MED26: variants seen among roughly 807,000 people sequenced by gnomAD.
MED26 encodes mediator of RNA polymerase II transcription subunit 26.
Under a neutral mutation model 43.7 loss-of-function variants are expected in MED26, and 7 were observed. The observed-to-expected ratio is 0.16, with a 90% CI of 0.09 to 0.30. The LOEUF (loss-of-function observed/expected upper bound fraction) is 0.30, where lower values mean the gene tolerates loss of function less well. MED26 is among the 10% of genes least tolerant of loss of function. The pLI is 1.00. For synonymous variants in MED26, 375 were observed against 371.1 expected (o/e 1.01, Z -0.12); for missense variants, 784 against 840.6 (o/e 0.93, Z 0.83).
chr19:16,580,613 T>C lies in MED26; in HGVS notation c.73-2204A>G, dbSNP rs554571031. On this transcript the variant is annotated intron_variant, in intron 1 of 2. Coordinates refer to ENST00000263390, the MANE Select transcript of MED26 (RefSeq NM_004831.5). ...CTTGAACTCCTGACCTCAGGTGATC[T>C]GCCCTCCTCGGCCTCCCAAAGTGCT... 2.6e-5 allele frequency among the ~76,000 whole-genome samples: 4 copies of C among 152,208 alleles called. No individual in the cohort carries two copies. The South Asian group carries it at 8.3e-4, about 32-fold the overall frequency.
chr19:16,591,221 G>A (rs901845766), intron 1 of MED26, among the ~76,000 whole-genome samples: 2 of 152,078 alleles, frequency 1.3e-5, no homozygotes, highest in Admixed American at 1.3e-4. Flanking sequence ...ACCTGGGTTT[G>A]TCCTCCCTGG....
intron 1 of MED26, among the ~76,000 whole-genome samples, chr19:16,619,770 C>T (rs908749752): frequency 1.3e-5 from 2 of 152,310 alleles, no homozygotes; most frequent in African/African-American, 4.8e-5. Context: ...CCTATAAAAC[C>T]ATGCTGTGCA....
At position 16,628,112 on chromosome 19, in the gene MED26, T is replaced by G. The variant is rs2086292250; in HGVS notation, c.-169A>C. 2.6e-6 allele frequency: 1 copy of G among 377,896 alleles called. No individual in the cohort carries two copies. The highest frequency in any genetic ancestry group is 4.6e-5 in the Admixed American group (1 of 21,560). 23.4% of individuals were successfully genotyped at this position (377,896 alleles called of 1,614,324 possible). A position where few individuals can be genotyped will look rare whatever the true frequency, so the allele number is the denominator to read the frequency against. On this transcript the variant is annotated 5_prime_UTR_variant, in exon 1 of 3. Coordinates refer to ENST00000263390, the MANE Select transcript of MED26 (RefSeq NM_004831.5). ...CGGAGAGGGGAGCCGGGGCCGGGTC[T>G]CGGTCCCGGGCCGCCGCCGCCACCA...
chr19:16,627,899 C>G lies in MED26; in HGVS notation c.45G>C (p.Leu15=). Residue 15 remains leucine, a synonymous_variant, in exon 1 of 3, where the codon CTG becomes CTC. Transcript: ENST00000263390. The stretch of plus-strand genomic sequence containing the variant: ...TGCTCTGGGGGTCGATGGCCTGCAG[C>G]AGCCGGTCCCTGATCTGCTGCGGAG... ...PASPQQIRDR[L]LQAIDPQSNI... 6.7e-7 allele frequency: 1 copy of G among 1,499,908 alleles called. No homozygotes were observed. Among genetic ancestry groups the G allele is most frequent in the Non-Finnish European group, 8.9e-7 (1 of 1,122,380 alleles). The allele number at this position is 1,499,908 out of a possible 1,614,324, so 92.9% of individuals were successfully genotyped here. A position where few individuals can be genotyped will look rare whatever the true frequency, so the allele number is the denominator to read the frequency against.
intron 1 of MED26, among the ~76,000 whole-genome samples, chr19:16,621,491 T>C (rs530834317): frequency 1.3e-5 from 2 of 152,272 alleles, no homozygotes; most frequent in African/African-American, 4.8e-5. Flanking sequence ...TTTCCTGCAG[T>C]GGATGAACCC....
intron 1 of MED26, among the ~76,000 whole-genome samples, chr19:16,601,076 G>A (rs761220504): frequency 6.6e-6 from 1 of 152,024 alleles, no homozygotes; most frequent in Non-Finnish European, 1.5e-5. Flanking sequence ...TTTACAAGCA[G>A]CTAAGGCACA....
chr19:16,622,800 A>G (rs2086257671), intron 1 of MED26, among the ~76,000 whole-genome samples: 1 of 152,198 alleles, frequency 6.6e-6, no homozygotes, highest in Non-Finnish European at 1.5e-5. Flanking sequence ...AGGAGATGAT[A>G]GTGGGGAAGT....
At chr19:16,591,816 G>A (rs570183463) in intron 1 of MED26, among the ~76,000 whole-genome samples, 3 of 152,290 alleles carry the variant, frequency 2.0e-5, no homozygotes, top group South Asian at 4.1e-4. Flanking sequence ...TCCTAATTCC[G>A]CATGGTTTTC....
At chr19:16,622,983 C>T (rs1456276368) in intron 1 of MED26, among the ~76,000 whole-genome samples, 1 of 152,194 alleles carries the variant, frequency 6.6e-6, no homozygotes, top group African/African-American at 2.4e-5. Context: ...TCTTACACAG[C>T]TGCCCAGGGG....
chr19:16,604,360 G>A (rs907021786), intron 1 of MED26, among the ~76,000 whole-genome samples: 3 of 152,240 alleles, frequency 2.0e-5, no homozygotes, highest in African/African-American at 7.2e-5. Flanking sequence ...CTGCATCAGG[G>A]ACAGGGGTCA....
chr19:16,592,251 G>T (rs1030124088), intron 1 of MED26, among the ~76,000 whole-genome samples: 1 of 152,166 alleles, frequency 6.6e-6, no homozygotes, highest in Non-Finnish European at 1.5e-5. Flanking sequence ...ACCCTGAGGG[G>T]GTGTGATGTG....
chr19:16,621,776 C>T (rs936006185), intron 1 of MED26, among the ~76,000 whole-genome samples: 2 of 152,148 alleles, frequency 1.3e-5, no homozygotes, highest in Non-Finnish European at 2.9e-5. Flanking sequence ...GACAATAATC[C>T]ACCACTTCCC....
chr19:16,578,717 T>G (rs959251051), intron 1 of MED26: 41 of 359,610 alleles, frequency 1.1e-4, no homozygotes, highest in Non-Finnish European at 5.6e-5. Flanking sequence ...GAGCTGCTCC[T>G]GATACTTAAG....
intron 1 of MED26, among the ~76,000 whole-genome samples, chr19:16,627,447 G>A (rs1345003923): frequency 6.6e-6 from 1 of 152,198 alleles, no homozygotes; most frequent in Non-Finnish European, 1.5e-5. Flanking sequence ...GGAGACATAG[G>A]TTCCCCGAGT....
intron 1 of MED26, 65 bp from the exon 2 acceptor site, chr19:16,578,474 G>T: frequency 3.4e-6 from 5 of 1,462,066 alleles, no homozygotes; most frequent in Non-Finnish European, 4.8e-6. Context: ...GGAACACCCT[G>T]CCCCAGCCTG....
intron 1 of MED26, among the ~76,000 whole-genome samples, chr19:16,602,165 C>T (rs1403939267): frequency 6.6e-6 from 1 of 152,206 alleles, no homozygotes; most frequent in Non-Finnish European, 1.5e-5. Context: ...AGACTTTTGG[C>T]AGATCACGCT....
At chr19:16,614,294 G>A (rs1460785044) in intron 1 of MED26, among the ~76,000 whole-genome samples, 1 of 152,128 alleles carries the variant, frequency 6.6e-6, no homozygotes, top group Non-Finnish European at 1.5e-5. Context: ...CTGGGAGGCC[G>A]AAGCAGGCAG....
At chr19:16,581,884 T>A (rs1442697936) in intron 1 of MED26, among the ~76,000 whole-genome samples, 2 of 152,218 alleles carry the variant, frequency 1.3e-5, no homozygotes, top group Admixed American at 6.5e-5. Flanking sequence ...CAGTCCCCTT[T>A]CTGTCCCCAC....
At chr19:16,589,865 T>G (rs1471906334) in intron 1 of MED26, among the ~76,000 whole-genome samples, 9 of 152,226 alleles carry the variant, frequency 5.9e-5, no homozygotes, top group Admixed American at 2.0e-4. Flanking sequence ...GTCAGGGTTG[T>G]GGAGGAGGGG....
Sources: gnomAD v4.1 joint callset for allele counts (sites outside exome capture counted in the v4.1 genomes callset) on GRCh38, gnomAD v4.1.1 for gene constraint, MANE v1.5 for transcripts, NCBI Gene and HGNC (gene_info 2026-07-23, HGNC 2026-07-21) for gene names.